Variants in LPP observed in about 807,000 individuals in gnomAD.
The protein encoded by LPP is LIM domain containing preferred translocation partner in lipoma.
In LPP, 38 loss-of-function variants were observed where a neutral mutation model predicts 60.4. That is an observed-to-expected ratio of 0.63 (90% confidence interval 0.49 to 0.83). LPP has a LOEUF of 0.83. Ranked by LOEUF, LPP falls within the 40% of genes least tolerant of loss-of-function variation. LPP has a pLI of 0.00. For synonymous variants in LPP, 328 were observed against 290.8 expected, an observed-to-expected ratio of 1.13 and a Z score of -1.30; for missense variants, 902 against 783.6, an observed-to-expected ratio of 1.15 and a Z score of -1.80.
intron 7 of LPP, among the ~76,000 whole-genome samples, chr3:188,635,691 A>G (rs1440460353): frequency 1.3e-5 from 2 of 152,186 alleles, no homozygotes. Flanking sequence ...GAGAAATCAG[A>G]AGATGTCCTG....
chr3:188,530,107 A>C (rs983175063), intron 6 of LPP, among the ~76,000 whole-genome samples: 20 of 152,222 alleles, frequency 1.3e-4, no homozygotes, highest in African/African-American at 4.6e-4. Context: ...TTGAAGAATA[A>C]GTTTGTCTAA....
Position 188,735,790 on chromosome 3 carries a change from T to C in LPP, c.1241-24323T>C, listed in dbSNP as rs527704635. Among the ~76,000 whole-genome samples, 15 of 152,332 alleles carry C rather than the reference T, an allele frequency of 9.8e-5. No individual in the cohort carries two copies. The East Asian group carries it at 2.7e-3, about 27-fold the overall frequency. Reference sequence around the variant, plus strand: ...TTCAAACTAACACTGTGGTAATTGTTGTGTGTCTAAACAAGTGACAACGGG... The same window carrying C: ...TTCAAACTAACACTGTGGTAATTGTCGTGTGTCTAAACAAGTGACAACGGG... On this transcript the variant is annotated intron_variant, in intron 8 of 11. Coordinates refer to ENST00000617246, the MANE Select transcript of LPP (RefSeq NM_001375462.1).
chr3:188,308,666 T>C (rs1278408218), intron 2 of LPP, among the ~76,000 whole-genome samples: 1 of 152,178 alleles, frequency 6.6e-6, no homozygotes, highest in East Asian at 1.9e-4. Context: ...GAGCCAGTGC[T>C]GCACAAAGTG....
intron 10 of LPP, among the ~76,000 whole-genome samples, chr3:188,868,569 A>G (rs1767260958): frequency 6.6e-6 from 1 of 152,190 alleles, no homozygotes; most frequent in Non-Finnish European, 1.5e-5. Context: ...AAGTTTTTTG[A>G]TCCTTTCTCC....
intron 5 of LPP, among the ~76,000 whole-genome samples, chr3:188,517,132 C>A (rs1337845407): frequency 6.6e-6 from 1 of 152,100 alleles, no homozygotes; most frequent in Non-Finnish European, 1.5e-5. Flanking sequence ...ACTTGACATG[C>A]ATAAACCTAT....
intron 3 of LPP, among the ~76,000 whole-genome samples, chr3:188,351,795 T>C (rs1765926109): frequency 6.6e-6 from 1 of 152,086 alleles, no homozygotes. Flanking sequence ...CTAAGGGATA[T>C]GGATTGTAGA....
chr3:188,344,916 C>T (rs977552076), intron 3 of LPP, among the ~76,000 whole-genome samples: 12 of 152,086 alleles, frequency 7.9e-5, no homozygotes, highest in Non-Finnish European at 1.2e-4. Flanking sequence ...CTATTAAGAC[C>T]GTTAGGAAGA....
At chr3:188,541,401 C>T (rs1443794746) in intron 6 of LPP, among the ~76,000 whole-genome samples, 2 of 152,142 alleles carry the variant, frequency 1.3e-5, no homozygotes, top group African/African-American at 4.8e-5. Flanking sequence ...CCTCTGTTCT[C>T]TTATTTCTAT....
intron 8 of LPP, among the ~76,000 whole-genome samples, chr3:188,728,096 C>G (rs1719089558): frequency 6.6e-6 from 1 of 152,110 alleles, no homozygotes; most frequent in Non-Finnish European, 1.5e-5. Context: ...ACATTCAAAA[C>G]TACACACCCA....
chr3:188,519,510 G>A (rs747890867), intron 5 of LPP, among the ~76,000 whole-genome samples: 12 of 152,202 alleles, frequency 7.9e-5, no homozygotes, highest in Non-Finnish European at 1.6e-4. Flanking sequence ...AAAATTAACA[G>A]TAGATAAAAG....
At chr3:188,762,453 TG>T (rs1732686455) in intron 9 of LPP, among the ~76,000 whole-genome samples, 1 of 152,244 alleles carries the variant, frequency 6.6e-6, no homozygotes, top group Non-Finnish European at 1.5e-5. Flanking sequence ...TGAAATTCAC[TG>T]GGCTTTAGGA....
chr3:188,846,866 A>G (rs1435594618), intron 9 of LPP, among the ~76,000 whole-genome samples: 2 of 152,152 alleles, frequency 1.3e-5, no homozygotes, highest in African/African-American at 4.8e-5. Flanking sequence ...ATCTGTTTAT[A>G]GTTTCTAGGT....
intron 11 of LPP, among the ~76,000 whole-genome samples, chr3:188,872,988 C>T (rs1004254332): frequency 1.3e-5 from 2 of 152,118 alleles, no homozygotes; most frequent in Non-Finnish European, 2.9e-5. Context: ...GGACTCAAGT[C>T]CTTAACTCCT....
chr3:188,308,256 C>T (rs926717290), intron 2 of LPP, among the ~76,000 whole-genome samples: 2 of 152,064 alleles, frequency 1.3e-5, no homozygotes, highest in African/African-American at 2.4e-5. Context: ...AATATCGCAG[C>T]ACACTATGGG....
At chr3:188,315,432 T>C (rs900505014) in intron 2 of LPP, among the ~76,000 whole-genome samples, 24 of 152,130 alleles carry the variant, frequency 1.6e-4, no homozygotes, top group African/African-American at 5.5e-4. Context: ...TCTAGGTTTA[T>C]TTTGTTGTTT....
chr3:188,821,682 C>T (rs912180690), intron 9 of LPP, among the ~76,000 whole-genome samples: 2 of 151,962 alleles, frequency 1.3e-5, no homozygotes, highest in African/African-American at 4.8e-5. Flanking sequence ...ATATGGCATA[C>T]ATGTACACGT....
chr3:188,779,054 A>T (rs1738743767), intron 9 of LPP, among the ~76,000 whole-genome samples: 1 of 152,170 alleles, frequency 6.6e-6, no homozygotes, highest in Non-Finnish European at 1.5e-5. Context: ...AATTTAAACT[A>T]GTCAATGGGA....
intron 7 of LPP, among the ~76,000 whole-genome samples, chr3:188,696,999 T>G (rs1304420073): frequency 1.3e-5 from 2 of 152,228 alleles, no homozygotes; most frequent in Non-Finnish European, 2.9e-5. Flanking sequence ...TTCTCTTCTT[T>G]GGCTATAAGC....
rs541911551 is a variant in LPP at position 188,845,427 on chromosome 3, A to G, written c.1411-20773A>G. Among the ~76,000 whole-genome samples, 56 of 152,332 alleles carry G rather than the reference A, an allele frequency of 3.7e-4. 1 individual carries two copies. Among genetic ancestry groups the G allele is most frequent in the African/African-American group, 1.3e-3 (55 of 41,588 alleles). ...ATGAAAAGTTCAGTGGGCTTGAGGG[A>G]GGATTACTGAATTACAATAATATCC... is the stretch of plus-strand genomic sequence containing the variant. On this transcript the variant is annotated intron_variant, in intron 9 of 11. Transcript: ENST00000617246.
Sources: allele counts gnomAD v4.1 joint callset (sites outside exome capture counted in the v4.1 genomes callset), GRCh38; gene constraint gnomAD v4.1.1; transcripts MANE v1.5; gene names NCBI Gene and HGNC (gene_info 2026-07-23, HGNC 2026-07-21).